The following LDLRAD4 variants were observed in gnomAD, a reference collection of about 807,000 sequenced individuals.
LDLRAD4 encodes low density lipoprotein receptor class A domain containing 4, also known as low-density lipoprotein receptor class A domain-containing protein 4.
LDLRAD4 carries 5 observed loss-of-function variants against 17.0 expected under a neutral mutation model. That is an observed-to-expected ratio of 0.29 (90% CI 0.15 to 0.62). The LOEUF is 0.62. Ranked by LOEUF, LDLRAD4 falls within the 20% of genes least tolerant of loss-of-function variation. LDLRAD4 has a pLI of 0.84. For missense variants in LDLRAD4, 340 were observed against 424.7 expected (o/e 0.80, Z 1.75); for synonymous variants, 168 against 171.8 (o/e 0.98, Z 0.17).
At chr18:13,372,245 C>T (rs1033592482) in intron 1 of LDLRAD4, among the ~76,000 whole-genome samples, 2 of 152,200 alleles carry the variant, frequency 1.3e-5, no homozygotes, top group East Asian at 1.9e-4. Context: ...ACCTGTTCTT[C>T]GCAGGGCAGA....
rs899998857 is a variant in LDLRAD4, at chr18:13,398,175, A to G, written c.40+10413A>G. Among the ~76,000 whole-genome samples the G allele has an allele frequency of 6.6e-6, 1 of 152,184 alleles. No homozygotes were observed. The highest frequency in any genetic ancestry group is 1.5e-5 in the Non-Finnish European group (1 of 68,032). ...TTGGGGCAGGAGGGGACGGAGGGAG[A>G]GAGGCAGGAGGCTGAAGCGCCGAAC... is the stretch of plus-strand genomic sequence containing the variant. On this transcript the variant is annotated intron_variant, in intron 2 of 5. Coordinates refer to ENST00000359446, the Ensembl canonical transcript of LDLRAD4. The surrounding 1 kb of genome is among the most constrained non-coding windows in gnomAD (Gnocchi z 4.8).
At chr18:13,593,246 G>A (rs2095050113) in intron 3 of LDLRAD4, among the ~76,000 whole-genome samples, 1 of 152,218 alleles carries the variant, frequency 6.6e-6, no homozygotes, top group Non-Finnish European at 1.5e-5. Flanking sequence ...CCAGAAGGCA[G>A]AGGCTGCAGT....
intron 3 of LDLRAD4, among the ~76,000 whole-genome samples, chr18:13,485,735 T>C (rs557376366): frequency 7.2e-5 from 11 of 152,318 alleles, no homozygotes; most frequent in African/African-American, 2.6e-4. Flanking sequence ...AACCCAGGCC[T>C]AGGAGCGGTG....
At chr18:13,556,792 C>A (rs559184172) in intron 3 of LDLRAD4, among the ~76,000 whole-genome samples, 1 of 152,134 alleles carries the variant, frequency 6.6e-6, no homozygotes, top group Non-Finnish European at 1.5e-5. Flanking sequence ...GTAGTTTAAA[C>A]GTGATTTATA....
chr18:13,511,993 T>C (rs1289995980), intron 3 of LDLRAD4, among the ~76,000 whole-genome samples: 1 of 152,262 alleles, frequency 6.6e-6, no homozygotes, highest in Non-Finnish European at 1.5e-5. Context: ...ACAGCTGATG[T>C]ATGTAGTCGA....
intron 3 of LDLRAD4, among the ~76,000 whole-genome samples, chr18:13,507,222 GA>G (rs2093708253): frequency 6.6e-6 from 1 of 152,054 alleles, no homozygotes; most frequent in African/African-American, 2.4e-5. Flanking sequence ...TGGTTACATG[GA>G]TAAGTTCTTT....
intron 1 of LDLRAD4, among the ~76,000 whole-genome samples, chr18:13,306,789 C>T (rs929620716): frequency 6.6e-6 from 1 of 152,118 alleles, no homozygotes; most frequent in Non-Finnish European, 1.5e-5. Context: ...CCAAGGAAAT[C>T]ATGAAAGAGA....
At chr18:13,382,157 A>G (rs966718733) in intron 1 of LDLRAD4, among the ~76,000 whole-genome samples, 1 of 152,272 alleles carries the variant, frequency 6.6e-6, no homozygotes, top group Non-Finnish European at 1.5e-5. Context: ...TTCTTTATGC[A>G]CTACGGTTTT....
chr18:13,319,430 A>G (rs552477579), intron 1 of LDLRAD4, among the ~76,000 whole-genome samples: 5 of 152,270 alleles, frequency 3.3e-5, no homozygotes, highest in South Asian at 2.1e-4. Flanking sequence ...TTGGTCTTGG[A>G]TACATCAGAA....
chr18:13,220,490 T>G (rs2041387480), intron 1 of LDLRAD4, among the ~76,000 whole-genome samples: 1 of 152,230 alleles, frequency 6.6e-6, no homozygotes, highest in Non-Finnish European at 1.5e-5. Context: ...ACGCAGCCAG[T>G]GCCAGCTGCT....
At chr18:13,525,820 T>G (rs2094022457) in intron 3 of LDLRAD4, among the ~76,000 whole-genome samples, 5 of 152,208 alleles carry the variant, frequency 3.3e-5, no homozygotes, top group Admixed American at 3.3e-4. Context: ...GGGGGCGGAA[T>G]GACCAGGAGG....
At chr18:13,544,363 T>C (rs1601253665) in intron 3 of LDLRAD4, among the ~76,000 whole-genome samples, 1 of 152,340 alleles carries the variant, frequency 6.6e-6, no homozygotes, top group East Asian at 1.9e-4. Flanking sequence ...GACGCTGTGC[T>C]TTCCTCCCCA....
intron 3 of LDLRAD4, among the ~76,000 whole-genome samples, chr18:13,450,494 C>A (rs1342978059): frequency 6.6e-6 from 1 of 152,152 alleles, no homozygotes; most frequent in African/African-American, 2.4e-5. Context: ...CTGAGTAATA[C>A]AAAACATCCC....
intron 1 of LDLRAD4, among the ~76,000 whole-genome samples, chr18:13,330,711 G>A (rs1053985802): frequency 6.6e-6 from 1 of 152,102 alleles, no homozygotes; most frequent in African/African-American, 2.4e-5. Flanking sequence ...TTTAATGACC[G>A]ACTGATGGGT....
At chr18:13,308,402 G>A (rs2047037742) in intron 1 of LDLRAD4, among the ~76,000 whole-genome samples, 1 of 152,168 alleles carries the variant, frequency 6.6e-6, no homozygotes, top group African/African-American at 2.4e-5. Flanking sequence ...TCTCAAACAT[G>A]CACGTGTACC....
chr18:13,650,189 C>A, exon 6 of LDLRAD4: 1 of 399,908 alleles, frequency 2.5e-6, no homozygotes, highest in Non-Finnish European at 4.4e-6. Context: ...TATTACCCGG[C>A]ACGCTGTGTC....
At chr18:13,375,824 G>T (rs1005579497) in intron 1 of LDLRAD4, among the ~76,000 whole-genome samples, 1 of 152,098 alleles carries the variant, frequency 6.6e-6, no homozygotes, top group Non-Finnish European at 1.5e-5. Flanking sequence ...GTTTCCTCCC[G>T]CCCGCCAGCG....
chr18:13,280,277 A>G (rs2045178659), intron 1 of LDLRAD4, among the ~76,000 whole-genome samples: 1 of 152,246 alleles, frequency 6.6e-6, no homozygotes, highest in African/African-American at 2.4e-5. Flanking sequence ...GGTAACTTTC[A>G]TTCACTTTGT....
intron 3 of LDLRAD4, chr18:13,521,629 G>C (rs995932049): frequency 4.6e-5 from 7 of 152,014 alleles, no homozygotes; most frequent in African/African-American, 1.7e-4. Context: ...GGGAGCAGTT[G>C]CTGCATTTGA....
Sources: gnomAD v4.1 joint callset for allele counts (sites outside exome capture counted in the v4.1 genomes callset) on GRCh38, gnomAD v4.1.1 for gene constraint, Gnocchi (gnomAD v3.1) non-coding constraint, MANE v1.5 for transcripts, NCBI Gene and HGNC (gene_info 2026-07-23, HGNC 2026-07-21) for gene names.